Variants in MTMR9 observed in about 807,000 individuals in gnomAD.
MTMR9 encodes the protein myotubularin-related protein 9.
In MTMR9, 39 loss-of-function variants were observed where a neutral mutation model predicts 69.5. The observed-to-expected ratio is 0.56, with a 90% confidence interval of 0.43 to 0.73. The LOEUF (loss-of-function observed/expected upper bound fraction) is 0.73. MTMR9 is among the 30% of genes least tolerant of loss of function. The pLI is 0.00. For synonymous variants in MTMR9, 354 were observed against 240.8 expected (o/e 1.47, Z -4.35); for missense variants, 900 against 671.2 (o/e 1.34, Z -3.77).
At chr8:11,294,374 G>C (rs972243845) in intron 1 of MTMR9, among the ~76,000 whole-genome samples, 2 of 151,724 alleles carry the variant, frequency 1.3e-5, no homozygotes, top group Non-Finnish European at 2.9e-5. Flanking sequence ...GTTTTTTTGT[G>C]GGGTTTTTTG....
chr8:11,322,884 A>C lies in MTMR9; in HGVS notation c.*96A>C. On this transcript the variant is annotated 3_prime_UTR_variant, in exon 10 of 10. Coordinates refer to ENST00000221086, the MANE Select transcript of MTMR9 (RefSeq NM_015458.4). ...GTTCACTTTTACACGGTAGCCTTGA[A>C]GTGAAGGCTTTAGATGTGGGACCCC... 2.6e-6 allele frequency: 3 copies of C among 1,154,440 alleles called. No homozygotes were observed. Among genetic ancestry groups the C allele is most frequent in the Non-Finnish European group, 3.7e-6 (3 of 813,540 alleles). 71.5% of individuals were successfully genotyped at this position (1,154,440 alleles called of 1,614,324 possible).
rs1368519606 is a variant in MTMR9, at chr8:11,325,019, G to T, written c.*2231G>T. The T allele has an allele frequency of 6.6e-6, 1 of 152,218 alleles. No individual in the cohort carries two copies. The highest frequency in any genetic ancestry group is 2.4e-5 in the African/African-American group (1 of 41,462). The allele number at this position is 152,218 out of a possible 1,614,324, so 9.4% of individuals were successfully genotyped here. A position where few individuals can be genotyped will look rare whatever the true frequency, so the allele number is the denominator to read the frequency against. Reference sequence around the variant, plus strand: ...TTCCTGATGCACATTTGCTGTGCGAGCCAGAGTACAGTCATAACACGGTAT... The same window carrying T: ...TTCCTGATGCACATTTGCTGTGCGATCCAGAGTACAGTCATAACACGGTAT... On this transcript the variant is annotated 3_prime_UTR_variant, in exon 10 of 10. Transcript: ENST00000221086.
intron 4 of MTMR9, 58 bp downstream of exon 4, chr8:11,305,072 G>T: frequency 6.6e-7 from 1 of 1,517,046 alleles, no homozygotes; most frequent in African/African-American, 1.4e-5. Flanking sequence ...GGATCTTTTC[G>T]TAGAAATGTT....
chr8:11,331,834 C>T (rs150038827), downstream of MTMR9: 31 of 1,611,896 alleles, frequency 1.9e-5, no homozygotes, highest in African/African-American at 2.4e-4. Flanking sequence ...GTGCTGCAGA[C>T]CCCCGTGTTG....
intron 3 of MTMR9, 25 bp from the exon 4 acceptor site, chr8:11,304,816 C>T: frequency 1.2e-6 from 2 of 1,608,074 alleles, no homozygotes; most frequent in Non-Finnish European, 1.7e-6. Flanking sequence ...AGTTGCTTAG[C>T]TTTGAAGTAT....
At chr8:11,309,501 A>AT in intron 5 of MTMR9, 26 bp from the exon 6 acceptor site, 1 of 1,570,010 alleles carries the variant, frequency 6.4e-7, no homozygotes, top group Non-Finnish European at 8.6e-7. Context: ...TGGGTTTGTT[A>AT]TTTTTTACTT....
chr8:11,332,855 C>T (rs1801287191), downstream of MTMR9, among the ~76,000 whole-genome samples: 1 of 152,196 alleles, frequency 6.6e-6, no homozygotes, highest in Non-Finnish European at 1.5e-5. Flanking sequence ...CCGCCTTGGC[C>T]TCCCAAAATG....
In MTMR9 at chr8:11,322,743, G is replaced by T. The variant is rs765869221; in HGVS notation, c.1605G>T (p.Gln535His). The T allele has an allele frequency of 2.3e-5, 37 of 1,613,934 alleles. No homozygotes were observed. In the East Asian group the frequency reaches 6.2e-4, roughly 27 times the overall value. The change falls in exon 10 of 10, where the codon CAG becomes CAT. Residue 535 changes from glutamine (Q) to histidine (H), a missense_variant. Transcript: ENST00000221086. ...CAAAAGTCAATATCCTTCGAAGGCA[G>T]TTGGCAGAACTGGAAACAGAGGACG... ...LQAKVNILRRQLAELETEDGM... is the reference protein window; with the variant it reads ...LQAKVNILRRHLAELETEDGM...
At chr8:11,329,085 C>T (rs1322495184), downstream of MTMR9, among the ~76,000 whole-genome samples, 5 of 152,128 alleles carry the variant, frequency 3.3e-5, no homozygotes, top group African/African-American at 1.2e-4. Flanking sequence ...GATTATTTGA[C>T]CATATGCATA....
At chr8:11,308,071 T>C (rs1313547684) in intron 5 of MTMR9, among the ~76,000 whole-genome samples, 1 of 152,252 alleles carries the variant, frequency 6.6e-6, no homozygotes, top group Non-Finnish European at 1.5e-5. Context: ...TATTTTTGCT[T>C]TTGTTGCCTC....
the MTMR9 span, among the ~76,000 whole-genome samples, chr8:11,338,893 A>G: frequency 6.6e-3 from 1,001 of 152,280 alleles, 12 homozygotes; most frequent in African/African-American, 0.023. Context: ...TACCAGAATA[A>G]TTTTGTGCTG....
chr8:11,287,467 G>C (rs1469763636), intron 1 of MTMR9, among the ~76,000 whole-genome samples: 1 of 151,542 alleles, frequency 6.6e-6, no homozygotes, highest in African/African-American at 2.4e-5. Flanking sequence ...CTGGGAAGCA[G>C]CGTGGTGTAG....
At chr8:11,307,517 C>G (rs1466667559) in intron 5 of MTMR9, among the ~76,000 whole-genome samples, 1 of 152,162 alleles carries the variant, frequency 6.6e-6, no homozygotes, top group East Asian at 1.9e-4. Flanking sequence ...ATGCAGATAC[C>G]TCTTTGAGAT....
chr8:11,286,137 A>G (rs1384926946), intron 1 of MTMR9, among the ~76,000 whole-genome samples: 3 of 151,348 alleles, frequency 2.0e-5, no homozygotes, highest in Non-Finnish European at 4.4e-5. Flanking sequence ...ATTTTTTAGT[A>G]GAGATGGGGT....
At chr8:11,298,543 C>G (rs1410952851) in intron 2 of MTMR9, among the ~76,000 whole-genome samples, 1 of 152,034 alleles carries the variant, frequency 6.6e-6, no homozygotes, top group Admixed American at 6.6e-5. Context: ...TATGTCCGGT[C>G]TACTATTGAA....
intron 7 of MTMR9, chr8:11,315,770 A>G (rs1350418712): frequency 6.6e-6 from 1 of 152,294 alleles, no homozygotes; most frequent in East Asian, 1.9e-4. Context: ...AAGTCAGACC[A>G]TACTAAGTTT....
rs773907957 is a variant in MTMR9 at position 11,316,858 on chromosome 8, G to C, written c.1299G>C (p.Gln433His). 2.5e-6 allele frequency: 4 copies of C among 1,610,086 alleles called. No homozygotes were observed. The African/African-American group carries it at 4.0e-5, about 16-fold the overall frequency. Residue 433 changes from glutamine to histidine, a missense_variant, in exon 8 of 10, where the codon CAG (glutamine) becomes CAC (histidine). Coordinates refer to ENST00000221086, the MANE Select transcript of MTMR9 (RefSeq NM_015458.4). ...TCTTTGAGCATGCTTATGCCTCACA[G>C]TTTGGAACATTTCTGGGCAACAATG... ...IMLFEHAYASQFGTFLGNNES... is the reference protein window; with the variant it reads ...IMLFEHAYASHFGTFLGNNES...
At chr8:11,299,043 A>G (rs189855828) in intron 2 of MTMR9, among the ~76,000 whole-genome samples, 88 of 152,290 alleles carry the variant, frequency 5.8e-4, no homozygotes, top group Non-Finnish European at 9.9e-4. Flanking sequence ...CATAGCTGAA[A>G]TTGGCCAGGT....
chr8:11,294,466 A>C (rs2572424), intron 1 of MTMR9, among the ~76,000 whole-genome samples: 5,650 of 148,114 alleles, frequency 0.038, 338 homozygotes, highest in African/African-American at 0.13. Flanking sequence ...TTTTTAAATC[A>C]GAAATGGATG....
Sources: allele counts gnomAD v4.1 joint callset (sites outside exome capture counted in the v4.1 genomes callset), GRCh38; gene constraint gnomAD v4.1.1; transcripts MANE v1.5; gene names NCBI Gene and HGNC (gene_info 2026-07-23, HGNC 2026-07-21).